The following CBFA2T2 variants were observed in gnomAD, a reference collection of about 807,000 sequenced individuals.
CBFA2T2 encodes CBFA2/RUNX1 partner transcriptional co-repressor 2, also known as protein CBFA2T2.
In CBFA2T2, 11 loss-of-function variants were observed where a neutral mutation model predicts 62.2. The observed-to-expected ratio is 0.18, with a 90% confidence interval of 0.11 to 0.29. CBFA2T2 has a LOEUF of 0.29. CBFA2T2 is among the 10% of genes least tolerant of loss of function. The pLI, the probability that CBFA2T2 is intolerant of heterozygous loss-of-function variation, is 1.00. For missense variants in CBFA2T2, 592 were observed against 774.1 expected, an observed-to-expected ratio of 0.76 and a Z score of 2.79; for synonymous variants, 295 against 287.5, an observed-to-expected ratio of 1.03 and a Z score of -0.27.
At position 33,618,698 on chromosome 20, in the gene CBFA2T2, G is replaced by A. The variant is rs147282484; in HGVS notation, c.421-819G>A. ...GAAGATTTGGGGGAAGTTATGCCAG[G>A]AGGTAGGGGGCAGAACTTGGAAAAA... On this transcript the variant is annotated intron_variant, in intron 3 of 10. Transcript: ENST00000342704. Among the ~76,000 whole-genome samples the A allele has an allele frequency of 2.2e-4, 33 of 152,230 alleles. No homozygotes were observed. The East Asian group carries it at 3.9e-3, about 18-fold the overall frequency.
At chr20:33,593,751 A>C (rs2014767070) in intron 1 of CBFA2T2, among the ~76,000 whole-genome samples, 1 of 150,530 alleles carries the variant, frequency 6.6e-6, no homozygotes, top group East Asian at 2.0e-4. Flanking sequence ...TGCATTAATC[A>C]TGTAATCTCT....
At chr20:33,534,779 T>A (rs2012161286) in intron 1 of CBFA2T2, among the ~76,000 whole-genome samples, 1 of 107,022 alleles carries the variant, frequency 9.3e-6, no homozygotes, top group Non-Finnish European at 1.8e-5. Flanking sequence ...TTTTGAGCAG[T>A]CAGAACACAC....
In CBFA2T2 at chr20:33,593,809, C is replaced by G. The variant is rs988187648; in HGVS notation, c.35-13147C>G. 3.3e-5 allele frequency among the ~76,000 whole-genome samples: 5 copies of G among 152,218 alleles called. No homozygotes were observed. The East Asian group carries it at 7.7e-4, about 24-fold the overall frequency. On this transcript the variant is annotated intron_variant, in intron 1 of 10. Transcript: ENST00000342704. ...TGAAAGAGTAAAAAGGATAAATGACCTCTTCTTGCTACGATTATGAAAATT... is the reference window on the plus strand; with the variant it reads ...TGAAAGAGTAAAAAGGATAAATGACGTCTTCTTGCTACGATTATGAAAATT...
At chr20:33,609,068 C>T (rs1430840249) in intron 2 of CBFA2T2, among the ~76,000 whole-genome samples, 2 of 152,152 alleles carry the variant, frequency 1.3e-5, no homozygotes, top group Non-Finnish European at 2.9e-5. Flanking sequence ...GCAGCATTTT[C>T]CTAAACACCC....
At chr20:33,494,571 G>C (rs985621463) in intron 1 of CBFA2T2, among the ~76,000 whole-genome samples, 1 of 141,026 alleles carries the variant, frequency 7.1e-6, no homozygotes, top group African/African-American at 2.7e-5. Context: ...ATGAGCCACC[G>C]CGCCCGGCCA....
intron 1 of CBFA2T2, among the ~76,000 whole-genome samples, chr20:33,507,479 T>C (rs1233399441): frequency 6.6e-6 from 1 of 152,182 alleles, no homozygotes; most frequent in Non-Finnish European, 1.5e-5. Flanking sequence ...AAAAATAATT[T>C]TTGGACTGGC....
chr20:33,648,981 G>A lies in CBFA2T2; in HGVS notation c.*4335G>A, dbSNP rs544422492. 5.3e-5 allele frequency: 8 copies of A among 152,166 alleles called. No individual in the cohort carries two copies. The highest frequency in any genetic ancestry group is 3.9e-4 in the Admixed American group (6 of 15,278). The allele number at this position is 152,166 out of a possible 1,614,324, so 9.4% of individuals were successfully genotyped here. A position where few individuals can be genotyped will look rare whatever the true frequency, so the allele number is the denominator to read the frequency against. On this transcript the variant is annotated 3_prime_UTR_variant, in exon 11 of 11. Transcript: ENST00000342704. ...TGCGTTTGAAGGTTCAGCACAGCTG[G>A]AATTGTACGGTAGTGAGCTCTTCAA...
intron 1 of CBFA2T2, among the ~76,000 whole-genome samples, chr20:33,570,868 T>G (rs2013533905): frequency 1.3e-5 from 2 of 152,258 alleles, no homozygotes. Flanking sequence ...TAAGTTTTCT[T>G]GCACTGTGAA....
chr20:33,587,782 T>A (rs1189950957), intron 1 of CBFA2T2, among the ~76,000 whole-genome samples: 1 of 152,242 alleles, frequency 6.6e-6, no homozygotes, highest in Non-Finnish European at 1.5e-5. Flanking sequence ...ATTGAATTAT[T>A]TCACATGTAT....
intron 1 of CBFA2T2, among the ~76,000 whole-genome samples, chr20:33,570,825 T>C (rs1224668012): frequency 6.6e-6 from 1 of 152,228 alleles, no homozygotes; most frequent in East Asian, 1.9e-4. Flanking sequence ...TCCTCTCTCA[T>C]TCCTAGGGCT....
Position 33,527,368 on chromosome 20 carries a change from A to ATT in CBFA2T2, c.34+37088_34+37089dup, listed in dbSNP as rs66870528. Among the ~76,000 whole-genome samples the ATT allele has an allele frequency of 4.5e-3, 334 of 74,452 alleles. 5 individuals carry two copies. The highest frequency in any genetic ancestry group is 0.014 in the African/African-American group (301 of 21,516). The allele number at this position is 74,452 out of a possible 152,430, so 48.8% of individuals were successfully genotyped here. On this transcript the variant is annotated intron_variant, in intron 1 of 10. Transcript: ENST00000342704. ...AGGGCTGTGCCACCAGGCCCGACTG[A>ATT]TTTTTTTTTTTTTTTTTTTTTTGAG...
chr20:33,568,953 C>T (rs1272569257), intron 1 of CBFA2T2, among the ~76,000 whole-genome samples: 3 of 152,144 alleles, frequency 2.0e-5, no homozygotes, highest in African/African-American at 7.2e-5. Context: ...TTTTCCCCAC[C>T]CCCATCACCT....
In CBFA2T2 at chr20:33,490,115, A is replaced by G; in HGVS notation, c.-153A>G. The G allele has an allele frequency of 1.4e-6, 1 of 711,844 alleles. No homozygotes were observed. 44.1% of individuals were successfully genotyped at this position (711,844 alleles called of 1,614,324 possible). A position where few individuals can be genotyped will look rare whatever the true frequency, so the allele number is the denominator to read the frequency against. ...GGCGGCGGCGGCGGCGGCGACGGCG[A>G]CAGCAGCGGTGGTGGTGTCTGGTTA... On this transcript the variant is annotated 5_prime_UTR_variant, in exon 1 of 11. Coordinates refer to ENST00000342704, the MANE Select transcript of CBFA2T2 (RefSeq NM_001032999.3).
intron 3 of CBFA2T2, among the ~76,000 whole-genome samples, chr20:33,611,965 T>C (rs1387424791): frequency 6.6e-6 from 1 of 152,228 alleles, no homozygotes; most frequent in Non-Finnish European, 1.5e-5. Flanking sequence ...GGTTTTGTAA[T>C]TTAATATATT....
At chr20:33,519,874 C>T (rs1005181942) in intron 1 of CBFA2T2, among the ~76,000 whole-genome samples, 1 of 152,066 alleles carries the variant, frequency 6.6e-6, no homozygotes, top group Non-Finnish European at 1.5e-5. Flanking sequence ...GAGCCGGGCA[C>T]GGTGGCTCAC....
Position 33,556,714 on chromosome 20 carries a change from C to T in CBFA2T2, c.35-50242C>T, listed in dbSNP as rs149437273. Among the ~76,000 whole-genome samples the T allele has an allele frequency of 7.3e-4, 111 of 152,180 alleles. 2 individuals are homozygous for T. The East Asian group carries it at 0.02, about 28-fold the overall frequency. ...CCTCCCAGAGTGCTGACATTATAAG[C>T]ATGAGCAGCTGCACCCTACTAGTGG... On this transcript the variant is annotated intron_variant, in intron 1 of 10. Transcript: ENST00000342704.
At chr20:33,628,870 C>G (rs1036053720) in intron 7 of CBFA2T2, among the ~76,000 whole-genome samples, 3 of 152,256 alleles carry the variant, frequency 2.0e-5, no homozygotes, top group Admixed American at 6.5e-5. Flanking sequence ...TTAGCTACTA[C>G]TCCCTCAGCT....
intron 1 of CBFA2T2, among the ~76,000 whole-genome samples, chr20:33,499,612 T>A (rs1184985669): frequency 1.3e-5 from 2 of 152,212 alleles, no homozygotes; most frequent in East Asian, 1.9e-4. Context: ...CTTGAACTTT[T>A]GAAATGAGTC....
At chr20:33,518,780 A>C (rs988685284) in intron 1 of CBFA2T2, among the ~76,000 whole-genome samples, 12 of 151,966 alleles carry the variant, frequency 7.9e-5, no homozygotes, top group African/African-American at 2.9e-4. Context: ...CTCCAAAAAA[A>C]AAAAAAAAGT....
Sources: allele counts gnomAD v4.1 joint callset (sites outside exome capture counted in the v4.1 genomes callset), GRCh38; gene constraint gnomAD v4.1.1; transcripts MANE v1.5; gene names NCBI Gene and HGNC (gene_info 2026-07-23, HGNC 2026-07-21).